RLIG1: variants seen among roughly 807,000 people sequenced by gnomAD.
RLIG1 encodes RNA 5'-phosphate and 3'-OH ligase 1, also known as RNA ligase 1.
At chr12:88,048,406 T>C in the RLIG1 span, 5 of 1,421,622 alleles carry the variant, frequency 3.5e-6, no homozygotes, top group Non-Finnish European at 4.9e-6. Context: ...CTCAAAGATA[T>C]AATATTTGAT....
the RLIG1 span, chr12:88,042,250 T>C: frequency 1.3e-5 from 2 of 152,202 alleles, no homozygotes; most frequent in Non-Finnish European, 2.9e-5. Flanking sequence ...AGGCAGCTGA[T>C]GCTCAGCTTC....
the RLIG1 span, chr12:88,035,989 T>G: frequency 1.3e-6 from 2 of 1,512,308 alleles, no homozygotes; most frequent in Non-Finnish European, 1.8e-6. Flanking sequence ...TTCAAACTTG[T>G]CCTCGCAAGG....
chr12:88,037,813 T>C, the RLIG1 span, among the ~76,000 whole-genome samples: 1 of 152,208 alleles, frequency 6.6e-6, no homozygotes, highest in African/African-American at 2.4e-5. Context: ...AAGATGATGC[T>C]ACTTCAGATA....
chr12:88,036,536 A>G, the RLIG1 span, among the ~76,000 whole-genome samples: 4 of 152,188 alleles, frequency 2.6e-5, no homozygotes, highest in Admixed American at 2.6e-4. Context: ...TTGCCCTGTT[A>G]TCTTTAGTCC....
At chr12:88,042,510 G>C in the RLIG1 span, 1 of 181,558 alleles carries the variant, frequency 5.5e-6, no homozygotes, top group Middle Eastern at 2.2e-3. Flanking sequence ...CAGTTATCTG[G>C]TTATGTTTCC....
At chr12:88,048,044 C>A in the RLIG1 span, among the ~76,000 whole-genome samples, 1 of 151,758 alleles carries the variant, frequency 6.6e-6, no homozygotes, top group Non-Finnish European at 1.5e-5. Context: ...ATGAAGCTCA[C>A]ATTCTAATGG....
chr12:88,048,394 G>C, the RLIG1 span: 1 of 1,518,630 alleles, frequency 6.6e-7, no homozygotes. Context: ...AAATTTGTTA[G>C]ACTCAAAGAT....
the RLIG1 span, chr12:88,049,403 CT>C: frequency 6.9e-7 from 1 of 1,443,130 alleles, no homozygotes; most frequent in Non-Finnish European, 9.5e-7. Flanking sequence ...TTTTCAGCTT[CT>C]TTATTTCCTC....
the RLIG1 span, chr12:88,035,673 C>A: frequency 1.2e-6 from 2 of 1,608,266 alleles, no homozygotes; most frequent in Middle Eastern, 3.3e-4. Context: ...CTCCGTGCAG[C>A]GGAAAATGCC....
At chr12:88,045,435 A>G in the RLIG1 span, 1 of 634,430 alleles carries the variant, frequency 1.6e-6, no homozygotes, top group Non-Finnish European at 2.7e-6. Flanking sequence ...TAAACTGTTA[A>G]CTTTCCCACT....
the RLIG1 span, chr12:88,049,898 A>G: frequency 6.3e-6 from 1 of 159,152 alleles, no homozygotes; most frequent in Non-Finnish European, 1.4e-5. Context: ...CATCTGGTGA[A>G]GAGACAATTC....
At chr12:88,035,559 G>A in the RLIG1 span, 5 of 1,350,752 alleles carry the variant, frequency 3.7e-6, no homozygotes, top group African/African-American at 2.9e-5. Context: ...GGCCTGAGCC[G>A]TGCGGGTGAC....
chr12:88,049,662 C>G, the RLIG1 span: 1 of 319,942 alleles, frequency 3.1e-6, no homozygotes, highest in Non-Finnish European at 5.6e-6. Flanking sequence ...TTTATCATCT[C>G]TTATAATGGG....
chr12:88,035,885 G>C, the RLIG1 span: 1 of 1,507,644 alleles, frequency 6.6e-7, no homozygotes, highest in Non-Finnish European at 8.8e-7. Flanking sequence ...GGGAGGTCTG[G>C]GGTGGGAGTT....
the RLIG1 span, among the ~76,000 whole-genome samples, chr12:88,037,030 C>T: frequency 2.6e-3 from 397 of 152,276 alleles, 2 homozygotes; most frequent in African/African-American, 9.2e-3. Context: ...TCGTTTATAG[C>T]ATAGCATCCA....
At chr12:88,040,242 G>T in the RLIG1 span, 3 of 1,585,248 alleles carry the variant, frequency 1.9e-6, no homozygotes, top group South Asian at 3.4e-5. Flanking sequence ...GATGGAACAT[G>T]TTGTTATGTT....
chr12:88,048,827 T>G, the RLIG1 span: 1 of 184,090 alleles, frequency 5.4e-6, no homozygotes, highest in African/African-American at 2.3e-5. Flanking sequence ...TGTGTATATA[T>G]CATAGGATTT....
chr12:88,043,907 T>C, the RLIG1 span: 3 of 578,966 alleles, frequency 5.2e-6, no homozygotes, highest in South Asian at 6.6e-5. Flanking sequence ...GAATGTCCTC[T>C]TAGGTTTAGA....
chr12:88,035,784 C>T, the RLIG1 span: 1 of 1,556,456 alleles, frequency 6.4e-7, no homozygotes, highest in African/African-American at 1.4e-5. Context: ...GTGGGCTCCT[C>T]CCCGCGGCGC....
Sources: allele counts gnomAD v4.1 joint callset (sites outside exome capture counted in the v4.1 genomes callset), GRCh38; gene constraint gnomAD v4.1.1; transcripts MANE v1.5; gene names NCBI Gene and HGNC (gene_info 2026-07-23, HGNC 2026-07-21).